Variants in GLG1 observed in about 807,000 individuals in gnomAD.
The protein encoded by GLG1 is golgi glycoprotein 1.
Under a neutral mutation model 160.5 loss-of-function variants are expected in GLG1, and 38 were observed. That is an observed-to-expected ratio of 0.24 (90% CI 0.18 to 0.31). GLG1 has a LOEUF of 0.31. GLG1 is among the 10% of genes least tolerant of loss of function. The pLI is 1.00. For synonymous variants in GLG1, 644 were observed against 543.4 expected (o/e 1.19, Z -2.57); for missense variants, 1,373 against 1,505.2 (o/e 0.91, Z 1.45).
At chr16:74,477,077 T>C (rs1230940452) in intron 12 of GLG1, among the ~76,000 whole-genome samples, 1 of 152,196 alleles carries the variant, frequency 6.6e-6, no homozygotes, top group African/African-American at 2.4e-5. Flanking sequence ...ATGCCTACCA[T>C]GAAATCTTAT....
intron 4 of GLG1, among the ~76,000 whole-genome samples, chr16:74,502,952 A>G (rs2016464113): frequency 6.6e-6 from 1 of 151,284 alleles, no homozygotes; most frequent in Non-Finnish European, 1.5e-5. Flanking sequence ...CACGTCTGTA[A>G]TCCCAGCACT....
chr16:74,466,160 T>C (rs2014993731), intron 18 of GLG1, among the ~76,000 whole-genome samples: 1 of 152,206 alleles, frequency 6.6e-6, no homozygotes, highest in South Asian at 2.1e-4. Context: ...CAGCTCCGAC[T>C]AGACAGTGGG....
At chr16:74,463,329 G>T (rs771441252) in intron 20 of GLG1, 27 bp downstream of exon 20, 90 of 1,611,854 alleles carry the variant, frequency 5.6e-5, no homozygotes, top group Non-Finnish European at 7.6e-5. Context: ...ACTCCACGGG[G>T]CCAGGAGAGC....
At chr16:74,521,835 T>C (rs1037079704) in intron 2 of GLG1, among the ~76,000 whole-genome samples, 1 of 152,166 alleles carries the variant, frequency 6.6e-6, no homozygotes, top group Non-Finnish European at 1.5e-5. Context: ...GTTGTGACTA[T>C]TGTCTAGTCA....
chr16:74,495,188 G>C (rs1331509619), intron 5 of GLG1, among the ~76,000 whole-genome samples: 1 of 149,868 alleles, frequency 6.7e-6, no homozygotes, highest in African/African-American at 2.5e-5. Flanking sequence ...ATCTTAGCTC[G>C]GTGCAACCTC....
At chr16:74,464,542 G>C (rs942836602) in intron 19 of GLG1, among the ~76,000 whole-genome samples, 4 of 152,230 alleles carry the variant, frequency 2.6e-5, no homozygotes, top group African/African-American at 7.2e-5. Flanking sequence ...TGAGCACTGA[G>C]CCTCTCTTCC....
At chr16:74,472,809 C>T in intron 13 of GLG1, 1 of 342,488 alleles carries the variant, frequency 2.9e-6, no homozygotes, top group Non-Finnish European at 5.7e-6. Context: ...GAGCACTGCC[C>T]TCAAAGCAGA....
At chr16:74,465,582 T>G in intron 19 of GLG1, 94 bp downstream of exon 19, 2 of 1,317,828 alleles carry the variant, frequency 1.5e-6, no homozygotes, top group Non-Finnish European at 2.1e-6. Context: ...GGACCACACT[T>G]TGAGAAAGCT....
intron 4 of GLG1, among the ~76,000 whole-genome samples, chr16:74,498,593 G>A (rs1597271155): frequency 2.0e-5 from 3 of 148,198 alleles, no homozygotes; most frequent in South Asian, 2.1e-4. Flanking sequence ...GGCCAGGCGT[G>A]GTGGCTCATG....
intron 16 of GLG1, 123 bp downstream of exon 16, chr16:74,469,862 T>TGCGG: frequency 1.4e-6 from 1 of 700,702 alleles, no homozygotes; most frequent in Non-Finnish European, 2.6e-6. Context: ...AAAGGAGAGA[T>TGCGG]GCGGGAGGCC....
intron 1 of GLG1, among the ~76,000 whole-genome samples, chr16:74,584,068 A>G (rs747206041): frequency 1.3e-5 from 2 of 152,098 alleles, no homozygotes; most frequent in African/African-American, 4.8e-5. Flanking sequence ...CAGCTTTCTC[A>G]GCGCCTTCAA....
Position 74,463,305 on chromosome 16 carries a change from A to C in GLG1, c.2791+51T>G, listed in dbSNP as rs372767518. On this transcript the variant is annotated intron_variant, in intron 20 of 25. Coordinates refer to ENST00000422840, the MANE Select transcript of GLG1 (RefSeq NM_001145667.2). Reference sequence around the variant, plus strand: ...GAGCAGGTCACTCTACAGCCACTGAATTCCTTTTCAGATACTCCACGGGGC... The same window carrying C: ...GAGCAGGTCACTCTACAGCCACTGACTTCCTTTTCAGATACTCCACGGGGC... The C allele has an allele frequency of 1.5e-4, 241 of 1,594,020 alleles. 1 individual carries two copies. The highest frequency in any genetic ancestry group is 8.2e-4 in the South Asian group (74 of 90,444).
chr16:74,470,326 TTTCC>T (rs1454545890), intron 15 of GLG1, among the ~76,000 whole-genome samples: 2 of 139,278 alleles, frequency 1.4e-5, no homozygotes, highest in Non-Finnish European at 3.1e-5. Flanking sequence ...CCTTCCTTCC[TTTCC>T]TTCTTTCCTT....
intron 1 of GLG1, among the ~76,000 whole-genome samples, chr16:74,602,284 T>C (rs1383253606): frequency 1.3e-5 from 2 of 152,122 alleles, no homozygotes; most frequent in Non-Finnish European, 2.9e-5. Context: ...CAAGAAAAGG[T>C]GGCAAGAAAG....
Position 74,472,396 on chromosome 16 carries a change from C to A in GLG1, c.2068G>T (p.Ala690Ser). The A allele has an allele frequency of 6.2e-7, 1 of 1,609,676 alleles. No individual in the cohort carries two copies. The part of the protein sequence containing the change: ...ELESEDIQIE[A>S]LLMRACEPII... ...GGCTCACAGGCTCTCATCAGCAAGG[C>A]TTCTATTTGAATATCCTGTAGAAAA... is the stretch of plus-strand genomic sequence containing the variant. Residue 690 changes from alanine to serine, a missense_variant, in exon 14 of 26, where the codon GCC (alanine) becomes TCC (serine). Coordinates refer to ENST00000422840, the MANE Select transcript of GLG1 (RefSeq NM_001145667.2).
At chr16:74,572,506 CTG>C (rs1469954668) in intron 1 of GLG1, among the ~76,000 whole-genome samples, 3 of 140,168 alleles carry the variant, frequency 2.1e-5, no homozygotes, top group African/African-American at 8.1e-5. Flanking sequence ...GAGTGAGACT[CTG>C]TCTCAAAAAA....
chr16:74,528,030 G>A (rs1451940510), intron 2 of GLG1, among the ~76,000 whole-genome samples: 5 of 150,840 alleles, frequency 3.3e-5, no homozygotes, highest in Non-Finnish European at 1.5e-5. Flanking sequence ...GACTACAGAT[G>A]CCCACCACCA....
chr16:74,486,025 C>CA (rs1161920977), intron 8 of GLG1, 108 bp from the exon 9 acceptor site: 1 of 810,874 alleles, frequency 1.2e-6, no homozygotes, highest in African/African-American at 1.7e-5. Context: ...CAATGTACTC[C>CA]AATAAAGTTG....
chr16:74,528,942 A>C (rs1363047418), intron 2 of GLG1, among the ~76,000 whole-genome samples: 2 of 150,698 alleles, frequency 1.3e-5, no homozygotes, highest in African/African-American at 4.9e-5. Context: ...TATTTCTTCG[A>C]ATACTGCTTC....
Sources: gnomAD v4.1 joint callset for allele counts (sites outside exome capture counted in the v4.1 genomes callset) on GRCh38, gnomAD v4.1.1 for gene constraint, MANE v1.5 for transcripts, NCBI Gene and HGNC (gene_info 2026-07-23, HGNC 2026-07-21) for gene names.